RPP40: variants seen among roughly 807,000 people sequenced by gnomAD.
RPP40 encodes the protein ribonuclease P protein subunit p40.
RPP40 carries 30 observed loss-of-function variants against 42.5 expected under a neutral mutation model. The observed-to-expected ratio is 0.71, with a 90% CI of 0.53 to 0.96. RPP40 has a LOEUF of 0.96. Among genes scored for constraint, RPP40 ranks in the 40% least tolerant of loss-of-function variants. The probability of loss-of-function intolerance (pLI) is 0.00; values close to 1 mark genes in which losing one functional copy is unlikely to be tolerated. For synonymous variants in RPP40, 173 were observed against 164.0 expected, an observed-to-expected ratio of 1.05 and a Z score of -0.42; for missense variants, 426 against 433.5, an observed-to-expected ratio of 0.98 and a Z score of 0.15.
chr6:4,996,004 T>C lies in RPP40; in HGVS notation c.840A>G (p.Thr280=), dbSNP rs747920946. 4 of 1,614,098 alleles carry C rather than the reference T, an allele frequency of 2.5e-6. No individual in the cohort carries two copies. The South Asian group carries it at 3.3e-5, about 13-fold the overall frequency. Residue 280 remains threonine (T), a synonymous_variant, in exon 7 of 8, where the codon ACA becomes ACG. Coordinates refer to ENST00000380051, the MANE Select transcript of RPP40 (RefSeq NM_006638.4). ...TCTCTGGAAGTATGAAGCCAGTGAT[T>C]GTACACAAATAAGCTTTTGCCACCA... ...STVVAKAYLC[T]ITGFILPEKI...
At chr6:5,001,576 G>C (rs1265525595) in intron 2 of RPP40, among the ~76,000 whole-genome samples, 2 of 152,192 alleles carry the variant, frequency 1.3e-5, no homozygotes, top group Non-Finnish European at 2.9e-5. Context: ...TGGCTCCCAG[G>C]AATCAACTGA....
chr6:4,999,447 C>A (rs867689460), intron 4 of RPP40, among the ~76,000 whole-genome samples: 1 of 151,874 alleles, frequency 6.6e-6, no homozygotes. Flanking sequence ...TACAGGCATG[C>A]GCCACCACGC....
chr6:4,997,955 T>G (rs910343369), intron 5 of RPP40, among the ~76,000 whole-genome samples: 1 of 152,182 alleles, frequency 6.6e-6, no homozygotes, highest in Non-Finnish European at 1.5e-5. Flanking sequence ...CAACTGAAAC[T>G]TCAATAAGCC....
downstream of RPP40, among the ~76,000 whole-genome samples, chr6:4,989,729 G>A (rs275251): frequency 0.3 from 45,299 of 151,764 alleles, 7,306 homozygotes; most frequent in African/African-American, 0.43. Flanking sequence ...TTGATTTTTT[G>A]TTTCAATTAT....
At chr6:4,989,834 T>G (rs931620072), downstream of RPP40, among the ~76,000 whole-genome samples, 11 of 152,246 alleles carry the variant, frequency 7.2e-5, no homozygotes, top group African/African-American at 2.7e-4. Flanking sequence ...AGTAGCTCAT[T>G]TGTAGAGTCC....
rs1383521333 is a variant in RPP40, at chr6:5,003,358, AAAAAAAAAAG to A, written c.123+512_123+521del. Among the ~76,000 whole-genome samples, 189 of 149,928 alleles carry A rather than the reference AAAAAAAAAAG, an allele frequency of 1.3e-3. 5 individuals are homozygous for A. Among genetic ancestry groups the A allele is most frequent in the African/African-American group, 4.3e-3 (176 of 40,772 alleles). ...CGAAACTCCGTCTAAAAAAAAAAAA[AAAAAAAAAAG>A]GAAAATCAGTCGCTTCCTGGGCCGA... On this transcript the variant is annotated intron_variant, in intron 1 of 7. Transcript: ENST00000380051.
Position 5,003,863 on chromosome 6 carries a change from A to G in RPP40, c.123+17T>C. 6.3e-7 allele frequency: 1 copy of G among 1,599,482 alleles called. No individual in the cohort carries two copies. The highest frequency in any genetic ancestry group is 8.6e-7 in the Non-Finnish European group (1 of 1,168,858). ...GGACTGAGCACGGCCCGAAAAGCCG[A>G]GGACAGCCGGACTCACCCTGTAGTT... On this transcript the variant is annotated intron_variant, in intron 1 of 7. Transcript: ENST00000380051.
downstream of RPP40, among the ~76,000 whole-genome samples, chr6:4,990,754 T>C (rs75330705): frequency 0.033 from 5,024 of 151,440 alleles, 128 homozygotes; most frequent in Non-Finnish European, 0.049. Flanking sequence ...ATGCTGGGAA[T>C]ACAGGTGCGA....
downstream of RPP40, among the ~76,000 whole-genome samples, chr6:4,990,608 C>T (rs1759247184): frequency 6.6e-6 from 1 of 151,568 alleles, no homozygotes; most frequent in South Asian, 2.1e-4. Context: ...CTCAGCCTCT[C>T]AAGTAGCTAG....
intron 2 of RPP40, 113 bp from the exon 3 acceptor site, chr6:5,000,744 T>C: frequency 1.4e-6 from 1 of 713,130 alleles, no homozygotes; most frequent in Non-Finnish European, 2.5e-6. Context: ...GGTCAGTTTC[T>C]ACCCCTGCTC....
intron 2 of RPP40, chr6:5,001,280 T>G: frequency 2.5e-6 from 1 of 395,182 alleles, no homozygotes; most frequent in South Asian, 1.9e-5. Context: ...GGTAAGACAT[T>G]TAACAGTGCC....
At chr6:4,998,949 T>G in intron 4 of RPP40, 108 bp from the exon 5 acceptor site, 1 of 699,634 alleles carries the variant, frequency 1.4e-6, no homozygotes. Flanking sequence ...ATTTTATGGA[T>G]AGTAAAATTA....
intron 2 of RPP40, 91 bp downstream of exon 2, chr6:5,002,010 T>A (rs1581325239): frequency 8.4e-7 from 1 of 1,184,416 alleles, no homozygotes; most frequent in East Asian, 2.4e-5. Flanking sequence ...CAGGCCCTGT[T>A]TGAAACAAAA....
rs1759382069 is a variant in RPP40 at position 4,996,325 on chromosome 6, A to G, written c.655T>C (p.Cys219Arg). The G allele has an allele frequency of 6.2e-7, 1 of 1,614,184 alleles. No individual in the cohort carries two copies. Among genetic ancestry groups the G allele is most frequent in the Non-Finnish European group, 8.5e-7 (1 of 1,180,040 alleles). Residue 219 changes from cysteine to arginine, a missense_variant, in exon 6 of 8, where the codon TGC becomes CGC. Cys to Arg is a radical substitution (Grantham distance 180, BLOSUM62 -3). Transcript: ENST00000380051. Reference sequence around the variant, plus strand: ...AGCTCGCTGCTCTGCAGCACTGGGCACTGGAGATCTCTCAACGTGCTCAGT... The same window carrying G: ...AGCTCGCTGCTCTGCAGCACTGGGCGCTGGAGATCTCTCAACGTGCTCAGT... ...VALSTLRDLQ[C>R]PVLQSSELEG...
chr6:4,996,167 T>C, intron 6 of RPP40, 55 bp downstream of exon 6: 1 of 1,605,620 alleles, frequency 6.2e-7, no homozygotes, highest in Non-Finnish European at 8.5e-7. Context: ...AAACTCCTAT[T>C]AAAAACAAGC....
rs1255023808 is a variant in RPP40 at position 4,995,213 on chromosome 6, G to C, written c.957C>G (p.Asp319Glu). ...WVTLSVQGFA[D>E]SPVSWEKNEH... The stretch of plus-strand genomic sequence containing the variant: ...CATTTTTTTCCCAAGAAACAGGGCT[G>C]TCTGCAAAGCCTTGAACGGACAGTG... The change falls in exon 8 of 8, where the codon GAC becomes GAG. Residue 319 changes from aspartate to glutamate, a missense_variant. Asp to Glu is a conservative substitution (Grantham distance 45). Coordinates refer to ENST00000380051, the MANE Select transcript of RPP40 (RefSeq NM_006638.4). 6.2e-7 allele frequency: 1 copy of C among 1,613,970 alleles called. No homozygotes were observed. The highest frequency in any genetic ancestry group is 8.5e-7 in the Non-Finnish European group (1 of 1,179,978).
intron 1 of RPP40, among the ~76,000 whole-genome samples, chr6:5,003,220 G>A (rs553307015): frequency 1.1e-4 from 17 of 151,782 alleles, no homozygotes; most frequent in African/African-American, 3.9e-4. Flanking sequence ...GGTGGCGCGC[G>A]CCTGTAGACC....
Position 4,999,794 on chromosome 6 carries a change from A to C in RPP40, c.433+15T>G, listed in dbSNP as rs559329412. 2.0e-5 allele frequency: 27 copies of C among 1,373,376 alleles called. No individual in the cohort carries two copies. The South Asian group carries it at 3.1e-4, about 16-fold the overall frequency. 85.1% of individuals were successfully genotyped at this position (1,373,376 alleles called of 1,614,324 possible). Reference sequence around the variant, plus strand: ...CAAGAAGATTAGAAACAGATGGAACACACATGATACTTACTAAATTTCATA... The same window carrying C: ...CAAGAAGATTAGAAACAGATGGAACCCACATGATACTTACTAAATTTCATA... On this transcript the variant is annotated intron_variant, in intron 4 of 7. Transcript: ENST00000380051.
downstream of RPP40, among the ~76,000 whole-genome samples, chr6:4,993,202 A>C (rs1759284666): frequency 2.0e-5 from 3 of 152,232 alleles, no homozygotes; most frequent in Non-Finnish European, 4.4e-5. Flanking sequence ...CTTTTCTTGC[A>C]GTGCAGACCT....
Sources: gnomAD v4.1 joint callset for allele counts (sites outside exome capture counted in the v4.1 genomes callset) on GRCh38, gnomAD v4.1.1 for gene constraint, MANE v1.5 for transcripts, NCBI Gene and HGNC (gene_info 2026-07-23, HGNC 2026-07-21) for gene names.